Variants in RRAS observed in about 807,000 individuals in gnomAD.
RRAS encodes RAS related, also known as ras-related protein R-Ras.
Under a neutral mutation model 23.3 loss-of-function variants are expected in RRAS, and 18 were observed. The ratio of observed to expected loss-of-function variants is 0.77; its 90% CI spans 0.53 to 1.15. The LOEUF is 1.15. Ranked by LOEUF, RRAS falls within the 50% of genes most tolerant of loss-of-function variation. RRAS has a pLI of 0.00. For missense variants in RRAS, 291 were observed against 317.1 expected, an observed-to-expected ratio of 0.92 and a Z score of 0.62; for synonymous variants, 133 against 138.3, an observed-to-expected ratio of 0.96 and a Z score of 0.27.
At position 49,636,762 on chromosome 19, in the gene RRAS, G is replaced by A; in HGVS notation, c.345-35C>T. 6.2e-7 allele frequency: 1 copy of A among 1,608,802 alleles called. No individual in the cohort carries two copies. Among genetic ancestry groups the A allele is most frequent in the Non-Finnish European group, 8.5e-7 (1 of 1,175,698 alleles). The stretch of plus-strand genomic sequence containing the variant: ...AAGCCGGAGGCATGAGGTCCAGCCA[G>A]CTGCAGAGCCCAGGTCCTCCCCACA... On this transcript the variant is annotated intron_variant, in intron 3 of 5. Transcript: ENST00000246792. The surrounding 1 kb of genome is among the most constrained non-coding windows in gnomAD (Gnocchi z 4.5).
Position 49,637,392 on chromosome 19 carries a change from C to T in RRAS, c.154-262G>A, listed in dbSNP as rs1965104. Among the ~76,000 whole-genome samples the T allele has an allele frequency of 0.72, 106,703 of 149,196 alleles. 38,415 individuals carry two copies. The highest frequency in any genetic ancestry group is 0.83 in the East Asian group (4,185 of 5,050). Reference sequence around the variant, plus strand: ...CGAGATCTCGGCTCACTGCAACCTCCGCCTCCTGGGTTCAAGAGATTCTCC... The same window carrying T: ...CGAGATCTCGGCTCACTGCAACCTCTGCCTCCTGGGTTCAAGAGATTCTCC... On this transcript the variant is annotated intron_variant, in intron 1 of 5. Transcript: ENST00000246792.
At chr19:49,638,633 G>A (rs1461743526) in intron 1 of RRAS, among the ~76,000 whole-genome samples, 1 of 152,130 alleles carries the variant, frequency 6.6e-6, no homozygotes, top group Non-Finnish European at 1.5e-5. Flanking sequence ...GTAGTTAGGG[G>A]CGTGACCTCA....
Position 49,636,322 on chromosome 19 carries a change from G to A in RRAS, c.453+297C>T, listed in dbSNP as rs1349002433. On this transcript the variant is annotated intron_variant, in intron 4 of 5. Coordinates refer to ENST00000246792, the MANE Select transcript of RRAS (RefSeq NM_006270.5). This position sits in a 1 kb window ranked among gnomAD's most constrained non-coding sequence, Gnocchi z 4.5. ...GCAGGGGAGGTGCTGGGGCTGGTGG[G>A]AGGTTGGCTGGAAGGGAGGAATGCG... Among the ~76,000 whole-genome samples, 3 of 152,096 alleles carry A rather than the reference G, an allele frequency of 2.0e-5. No individual in the cohort carries two copies. Among genetic ancestry groups the A allele is most frequent in the Non-Finnish European group, 4.4e-5 (3 of 68,010 alleles).
In RRAS at chr19:49,637,053, G is replaced by T. The variant is rs557964716; in HGVS notation, c.231C>A (p.Ala77=). The T allele has an allele frequency of 1.3e-4, 213 of 1,613,676 alleles. 3 individuals are homozygous for T. The South Asian group carries it at 2.2e-3, about 17-fold the overall frequency. The change falls in exon 2 of 6, where the codon GCC becomes GCA. Residue 77 remains alanine (A), a synonymous_variant. Coordinates refer to ENST00000246792, the MANE Select transcript of RRAS (RefSeq NM_006270.5). ...CCTTGCCGCCCTCACTGTCCAGCCGGGCTGGGATGCCATCCACACTGCAGA... is the reference window on the plus strand; with the variant it reads ...CCTTGCCGCCCTCACTGTCCAGCCGTGCTGGGATGCCATCCACACTGCAGA... The part of the protein sequence containing the change: ...TKICSVDGIP[A]RLDILDTAGQ...
rs11400258 is a variant in RRAS at position 49,637,301 on chromosome 19, C to CTTTTT, written c.154-176_154-172dup. ...CTCTGTCCCGTCTGTCTCTCTGAGT[C>CTTTTT]TTTTTTTTTTTTTTTTTTTTTTGAG... is the stretch of plus-strand genomic sequence containing the variant. On this transcript the variant is annotated intron_variant, in intron 1 of 5. Coordinates refer to ENST00000246792, the MANE Select transcript of RRAS (RefSeq NM_006270.5). 3.3e-4 allele frequency among the ~76,000 whole-genome samples: 34 copies of CTTTTT among 104,086 alleles called. 10 individuals carry two copies. The highest frequency in any genetic ancestry group is 3.0e-4 in the Non-Finnish European group (16 of 53,250). The allele number at this position is 104,086 out of a possible 152,430, so 68.3% of individuals were successfully genotyped here.
At chr19:49,637,492 G>A (rs1210582644) in intron 1 of RRAS, among the ~76,000 whole-genome samples, 1 of 151,842 alleles carries the variant, frequency 6.6e-6, no homozygotes. Context: ...TTTTAGTAGA[G>A]ATGTGTTGGT....
At chr19:49,638,014 C>CGGA (rs2122423427) in intron 1 of RRAS, among the ~76,000 whole-genome samples, 1 of 152,270 alleles carries the variant, frequency 6.6e-6, no homozygotes, top group Non-Finnish European at 1.5e-5. Flanking sequence ...TATCAGTTAT[C>CGGA]GGAGGCGTTG....
At chr19:49,638,871 T>G (rs1049763178) in intron 1 of RRAS, among the ~76,000 whole-genome samples, 3 of 139,760 alleles carry the variant, frequency 2.1e-5, no homozygotes, top group African/African-American at 8.3e-5. Context: ...CTCAGGGAGT[T>G]GCAGCGGAGA....
chr19:49,636,887 C>T lies in RRAS; in HGVS notation c.281G>A (p.Arg94Lys), dbSNP rs747724851. Residue 94 changes from arginine (R) to lysine (K), a missense_variant, in exon 3 of 6, where the codon AGA (arginine) becomes AAA (lysine). Arg to Lys is a conservative substitution (Grantham distance 26). Coordinates refer to ENST00000246792, the MANE Select transcript of RRAS (RefSeq NM_006270.5). This position sits in a 1 kb window ranked among gnomAD's most constrained non-coding sequence, Gnocchi z 4.5. ...GTGGCCAGCACGCATGTACTGCTCT[C>T]TCATGGCCCCGAACTCTTCCTGGCC... ...TAGQEEFGAM[R>K]EQYMRAGHGF... is the part of the protein sequence containing the mutation. 1.2e-6 allele frequency: 2 copies of T among 1,613,550 alleles called. No individual in the cohort carries two copies. Among genetic ancestry groups the T allele is most frequent in the Non-Finnish European group, 1.7e-6 (2 of 1,180,028 alleles).
rs749228857 is a variant in RRAS at position 49,636,579 on chromosome 19, A to C, written c.453+40T>G. The C allele has an allele frequency of 4.8e-6, 7 of 1,451,622 alleles. No individual in the cohort carries two copies. In the East Asian group the frequency reaches 1.6e-4, roughly 33 times the overall value. 89.9% of individuals were successfully genotyped at this position (1,451,622 alleles called of 1,614,324 possible). ...ACAGGTGTGCTGGAAGGAGCCTCCCAGACTGAGATGGGGTCCCCAGAAAGA... is the reference window on the plus strand; with the variant it reads ...ACAGGTGTGCTGGAAGGAGCCTCCCCGACTGAGATGGGGTCCCCAGAAAGA... On this transcript the variant is annotated intron_variant, in intron 4 of 5. Transcript: ENST00000246792. The surrounding 1 kb of genome is among the most constrained non-coding windows in gnomAD (Gnocchi z 4.5).
chr19:49,637,106 G>C lies in RRAS; in HGVS notation c.178C>G (p.Pro60Ala). Residue 60 changes from proline (P) to alanine (A), a missense_variant, in exon 2 of 6, where the codon CCC (proline) becomes GCC (alanine). Physicochemically the swap from Pro to Ala is conservative, Grantham distance 27. Coordinates refer to ENST00000246792, the MANE Select transcript of RRAS (RefSeq NM_006270.5). ...IQSYFVSDYD[P>A]TIEDSYTKIC... is the part of the protein sequence containing the mutation. ...TTCGTGTAGGAGTCCTCAATAGTGG[G>C]GTCGTAGTCAGACACGAAGTAGGAC... is the stretch of plus-strand genomic sequence containing the variant. 6.2e-7 allele frequency: 1 copy of C among 1,613,312 alleles called. No individual in the cohort carries two copies. The highest frequency in any genetic ancestry group is 8.5e-7 in the Non-Finnish European group (1 of 1,179,882).
chr19:49,640,033 C>A lies in RRAS; in HGVS notation c.66G>T (p.Gly22=), dbSNP rs1249345635. The change falls in exon 1 of 6, where the codon GGG becomes GGT. Residue 22 remains glycine, a synonymous_variant. Transcript: ENST00000246792. ...GRPRGGGPGP[G]DPPPSETHKL... ...TGTGTGTCTCGCTGGGCGGGGGGTC[C>A]CCGGGCCCAGGTCCCCCGCCCCGGG... is the stretch of plus-strand genomic sequence containing the variant. 3 of 1,540,714 alleles carry A rather than the reference C, an allele frequency of 1.9e-6. 1 individual carries two copies. The highest frequency in any genetic ancestry group is 8.7e-7 in the Non-Finnish European group (1 of 1,152,138).
rs1192293407 is a variant in RRAS at position 49,636,221 on chromosome 19, A to T, written c.454-369T>A. On this transcript the variant is annotated intron_variant, in intron 4 of 5. Coordinates refer to ENST00000246792, the MANE Select transcript of RRAS (RefSeq NM_006270.5). The surrounding 1 kb of genome is among the most constrained non-coding windows in gnomAD (Gnocchi z 4.5). ...TGTGGGGGAAGTGATGGGAGCAGGG[A>T]AAGGAGGGGCGCAACTGTGCGGGGC... Among the ~76,000 whole-genome samples the T allele has an allele frequency of 6.6e-6, 1 of 151,872 alleles. No individual in the cohort carries two copies. Among genetic ancestry groups the T allele is most frequent in the Non-Finnish European group, 1.5e-5 (1 of 67,956 alleles).
In RRAS at chr19:49,636,769, A is replaced by T; in HGVS notation, c.345-42T>A. 1 of 1,608,870 alleles carries T rather than the reference A, an allele frequency of 6.2e-7. No individual in the cohort carries two copies. The highest frequency in any genetic ancestry group is 8.5e-7 in the Non-Finnish European group (1 of 1,175,842). On this transcript the variant is annotated intron_variant, in intron 3 of 5. Transcript: ENST00000246792. This position sits in a 1 kb window ranked among gnomAD's most constrained non-coding sequence, Gnocchi z 4.5. Reference sequence around the variant, plus strand: ...AGGCATGAGGTCCAGCCAGCTGCAGAGCCCAGGTCCTCCCCACACCCACCC... The same window carrying T: ...AGGCATGAGGTCCAGCCAGCTGCAGTGCCCAGGTCCTCCCCACACCCACCC...
In RRAS at chr19:49,635,631, C is replaced by G. The variant is rs1224234198; in HGVS notation, c.602G>C (p.Ser201Thr). 12 of 1,446,258 alleles carry G rather than the reference C, an allele frequency of 8.3e-6. No individual in the cohort carries two copies. The highest frequency in any genetic ancestry group is 1.1e-5 in the Non-Finnish European group (12 of 1,087,966). 89.6% of individuals were successfully genotyped at this position (1,446,258 alleles called of 1,614,324 possible). A position where few individuals can be genotyped will look rare whatever the true frequency, so the allele number is the denominator to read the frequency against. Residue 201 changes from serine to threonine, a missense_variant, in exon 6 of 6, where the codon AGC (serine) becomes ACC (threonine). Transcript: ENST00000246792. ...CTTCTTCCTGGGGGCACTGGGAGGG[C>G]TCGGTGGGAGCTCTTGTTCCTGGTA... ...RKYQEQELPP[S>T]PPSAPRKKGG... is the part of the protein sequence containing the mutation.
chr19:49,635,845 C>A lies in RRAS; in HGVS notation c.461G>T (p.Arg154Leu). 5.5e-6 allele frequency: 3 copies of A among 548,384 alleles called. No individual in the cohort carries two copies. Among genetic ancestry groups the A allele is most frequent in the South Asian group, 1.7e-5 (1 of 59,422 alleles). The allele number at this position is 548,384 out of a possible 1,614,324, so 34.0% of individuals were successfully genotyped here. A position where few individuals can be genotyped will look rare whatever the true frequency, so the allele number is the denominator to read the frequency against. Residue 154 changes from arginine (R) to leucine (L), a missense_variant, in exon 5 of 6, where the codon CGA becomes CTA. Arg to Leu is a moderately radical substitution (Grantham distance 102). Coordinates refer to ENST00000246792, the MANE Select transcript of RRAS (RefSeq NM_006270.5). ...ADLESQRQVP[R>L]SEASAFGASH... ...GGCGCCGAAGGCAGAGGCTTCTGAT[C>A]GGGGGACCTGGGGGTAGGGGGGACA...
At position 49,635,797 on chromosome 19, in the gene RRAS, T is replaced by C. The variant is rs1162824119; in HGVS notation, c.509A>G (p.Glu170Gly). 1.3e-5 allele frequency: 19 copies of C among 1,494,628 alleles called. No individual in the cohort carries two copies. The highest frequency in any genetic ancestry group is 1.6e-5 in the Non-Finnish European group (18 of 1,107,244). The allele number at this position is 1,494,628 out of a possible 1,614,324, so 92.6% of individuals were successfully genotyped here. A position where few individuals can be genotyped will look rare whatever the true frequency, so the allele number is the denominator to read the frequency against. ...FGASHHVAYF[E>G]ASAKLRLNVD... ...GTTGAGACGCAGTTTGGCCGAGGCC[T>C]CAAAGTAGGCCACGTGGTGGGAGGC... The change falls in exon 5 of 6, where the codon GAG becomes GGG. Residue 170 changes from glutamate to glycine, a missense_variant. Coordinates refer to ENST00000246792, the MANE Select transcript of RRAS (RefSeq NM_006270.5).
Position 49,636,558 on chromosome 19 carries a change from G to C in RRAS, c.453+61C>G. 1 of 1,139,892 alleles carries C rather than the reference G, an allele frequency of 8.8e-7. No individual in the cohort carries two copies. The highest frequency in any genetic ancestry group is 1.3e-6 in the Non-Finnish European group (1 of 748,386). 70.6% of individuals were successfully genotyped at this position (1,139,892 alleles called of 1,614,324 possible). A position where few individuals can be genotyped will look rare whatever the true frequency, so the allele number is the denominator to read the frequency against. On this transcript the variant is annotated intron_variant, in intron 4 of 5. Coordinates refer to ENST00000246792, the MANE Select transcript of RRAS (RefSeq NM_006270.5). The surrounding 1 kb of genome is among the most constrained non-coding windows in gnomAD (Gnocchi z 4.5). ...AGAGGAGGATGCTGATGGGGGACAG[G>C]TGTGCTGGAAGGAGCCTCCCAGACT...
chr19:49,638,260 C>CT (rs2081006160), intron 1 of RRAS, among the ~76,000 whole-genome samples: 1 of 152,112 alleles, frequency 6.6e-6, no homozygotes, highest in Admixed American at 6.6e-5. Flanking sequence ...TTGGCCAGCT[C>CT]TGGGACTGCC....
Sources: gnomAD v4.1 joint callset for allele counts (sites outside exome capture counted in the v4.1 genomes callset) on GRCh38, gnomAD v4.1.1 for gene constraint, Gnocchi (gnomAD v3.1) non-coding constraint, MANE v1.5 for transcripts, NCBI Gene and HGNC (gene_info 2026-07-23, HGNC 2026-07-21) for gene names.